Variants in PTPRN2 observed in about 807,000 individuals in gnomAD.
PTPRN2 encodes the protein receptor-type tyrosine-protein phosphatase N2.
A neutral mutation model predicts 118.8 loss-of-function variants in PTPRN2; 74 were observed. The ratio of observed to expected loss-of-function variants is 0.62; its 90% CI spans 0.52 to 0.76. The LOEUF (loss-of-function observed/expected upper bound fraction) is 0.76. Ranked by LOEUF, PTPRN2 falls within the 30% of genes least tolerant of loss-of-function variation. The probability of loss-of-function intolerance (pLI) is 0.00; values close to 1 mark genes in which losing one functional copy is unlikely to be tolerated. For missense variants in PTPRN2, 1,481 were observed against 1,394.4 expected, an observed-to-expected ratio of 1.06 and a Z score of -0.99; for synonymous variants, 641 against 608.0, an observed-to-expected ratio of 1.05 and a Z score of -0.80.
intron 6 of PTPRN2, among the ~76,000 whole-genome samples, chr7:158,145,629 T>G (rs1198999100): frequency 6.6e-6 from 1 of 152,226 alleles, no homozygotes; most frequent in Non-Finnish European, 1.5e-5. Context: ...AGGCTTGGCG[T>G]GGAGCTGCCA....
At position 157,627,170 on chromosome 7, in the gene PTPRN2, C is replaced by T. The variant is rs755464574; in HGVS notation, c.2197-5661G>A. 4.1e-4 allele frequency among the ~76,000 whole-genome samples: 62 copies of T among 152,252 alleles called. No individual in the cohort carries two copies. The highest frequency in any genetic ancestry group is 1.3e-3 in the African/African-American group (54 of 41,490). On this transcript the variant is annotated intron_variant, in intron 14 of 22. Coordinates refer to ENST00000389418, the MANE Select transcript of PTPRN2 (RefSeq NM_002847.5). The surrounding 1 kb of genome is among the most constrained non-coding windows in gnomAD (Gnocchi z 4.2). Reference sequence around the variant, plus strand: ...GTGGCCTCCAGGCACCAGTGTGCACCGCACCTGCAGCTGGGTCTCCTCCGG... The same window carrying T: ...GTGGCCTCCAGGCACCAGTGTGCACTGCACCTGCAGCTGGGTCTCCTCCGG...
chr7:158,086,252 C>A (rs1349719545), intron 10 of PTPRN2, among the ~76,000 whole-genome samples: 7 of 152,076 alleles, frequency 4.6e-5, no homozygotes, highest in Non-Finnish European at 7.3e-5. Flanking sequence ...GCCCACCGCT[C>A]CCAGGCTGAA....
rs73744868 is a variant in PTPRN2 at position 157,752,951 on chromosome 7, A to T, written c.1789-70014T>A. 8.9e-3 allele frequency among the ~76,000 whole-genome samples: 1,355 copies of T among 152,324 alleles called. 23 individuals are homozygous for T. Among genetic ancestry groups the T allele is most frequent in the African/African-American group, 0.031 (1,282 of 41,578 alleles). On this transcript the variant is annotated intron_variant, in intron 12 of 22. Transcript: ENST00000389418. ...GCACCCACTCCTGCTGGAAGCCCAG[A>T]CAGTCAGTGACCAGATGGTTTTGCC...
intron 11 of PTPRN2, among the ~76,000 whole-genome samples, chr7:158,052,180 T>C (rs1809375085): frequency 6.6e-6 from 1 of 152,236 alleles, no homozygotes; most frequent in African/African-American, 2.4e-5. Flanking sequence ...AATATGGCAA[T>C]GACTTCTACG....
intron 11 of PTPRN2, among the ~76,000 whole-genome samples, chr7:157,951,976 C>A (rs928025003): frequency 6.6e-6 from 1 of 152,200 alleles, no homozygotes; most frequent in African/African-American, 2.4e-5. Context: ...TGCTCTGATG[C>A]CCCCTCACGT....
chr7:158,051,384 T>G (rs114950899), intron 11 of PTPRN2, among the ~76,000 whole-genome samples: 2,242 of 152,220 alleles, frequency 0.015, 67 homozygotes, highest in African/African-American at 0.051. Context: ...CATCAGAACT[T>G]CCCAAGACTC....
In PTPRN2 at chr7:158,278,110, G is replaced by A. The variant is rs548739531; in HGVS notation, c.277+38709C>T. On this transcript the variant is annotated intron_variant, in intron 3 of 22. Coordinates refer to ENST00000389418, the MANE Select transcript of PTPRN2 (RefSeq NM_002847.5). Reference sequence around the variant, plus strand: ...CCTATGAGAAAACAGGCGTCTGCAGGAGGCCTGAGCCTGCCCCACCAGCCT... The same window carrying A: ...CCTATGAGAAAACAGGCGTCTGCAGAAGGCCTGAGCCTGCCCCACCAGCCT... 2.3e-3 allele frequency among the ~76,000 whole-genome samples: 356 copies of A among 152,310 alleles called. 3 individuals are homozygous for A. The highest frequency in any genetic ancestry group is 8.1e-3 in the African/African-American group (335 of 41,572).
At chr7:158,090,212 C>T (rs559227592) in intron 10 of PTPRN2, among the ~76,000 whole-genome samples, 1 of 152,246 alleles carries the variant, frequency 6.6e-6, no homozygotes, top group African/African-American at 2.4e-5. Context: ...GGAGTCTTCA[C>T]ACACACCTGC....
chr7:158,289,174 G>A (rs181271764), intron 3 of PTPRN2, among the ~76,000 whole-genome samples: 74 of 152,038 alleles, frequency 4.9e-4, no homozygotes, highest in Middle Eastern at 6.8e-3. Context: ...CAATCTAATC[G>A]GAGACTTTTG....
intron 12 of PTPRN2, among the ~76,000 whole-genome samples, chr7:157,855,156 G>A (rs1809608297): frequency 3.5e-5 from 5 of 144,800 alleles, no homozygotes; most frequent in Non-Finnish European, 6.2e-5. Flanking sequence ...GTGCGGGGCC[G>A]GATCGGGGAG....
chr7:158,363,903 A>C (rs1361901338), intron 2 of PTPRN2, among the ~76,000 whole-genome samples: 1 of 152,142 alleles, frequency 6.6e-6, no homozygotes, highest in Non-Finnish European at 1.5e-5. Context: ...ATGACAGAAA[A>C]GGGGACTTCA....
In PTPRN2 at chr7:158,018,718, T is replaced by C. The variant is rs367983392; in HGVS notation, c.1723+62580A>G. Among the ~76,000 whole-genome samples the C allele has an allele frequency of 1.1e-4, 17 of 152,188 alleles. No homozygotes were observed. The South Asian group carries it at 3.5e-3, about 32-fold the overall frequency. On this transcript the variant is annotated intron_variant, in intron 11 of 22. Coordinates refer to ENST00000389418, the MANE Select transcript of PTPRN2 (RefSeq NM_002847.5). The stretch of plus-strand genomic sequence containing the variant: ...GCTCACTCCTGTAATCCCAGCACTT[T>C]GGGAGGCTGAGGCGGGAGGATCACC...
intron 11 of PTPRN2, among the ~76,000 whole-genome samples, chr7:158,045,518 G>C (rs946256440): frequency 7.2e-5 from 11 of 152,194 alleles, no homozygotes; most frequent in Admixed American, 7.2e-4. Flanking sequence ...AGAAGAATCA[G>C]AGAGGTGTGC....
rs796513364 is a variant in PTPRN2 at position 157,583,126 on chromosome 7, ATAT to A, written c.2497-4989_2497-4987del. Among the ~76,000 whole-genome samples the A allele has an allele frequency of 3.3e-4, 51 of 152,302 alleles. No individual in the cohort carries two copies. Among genetic ancestry groups the A allele is most frequent in the African/African-American group, 1.2e-3 (50 of 41,578 alleles). On this transcript the variant is annotated intron_variant, in intron 17 of 22. Transcript: ENST00000389418. The surrounding 1 kb of genome is among the most constrained non-coding windows in gnomAD (Gnocchi z 5.5). ...GAAAATGTGGTATATACACAATGAAATATTATTCAGCCTTAAGAAAGAATGAAC... is the reference window on the plus strand; with the variant it reads ...GAAAATGTGGTATATACACAATGAAATATTCAGCCTTAAGAAAGAATGAAC...
chr7:158,252,823 C>G (rs761121169), intron 3 of PTPRN2, among the ~76,000 whole-genome samples: 4 of 152,186 alleles, frequency 2.6e-5, no homozygotes, highest in Non-Finnish European at 4.4e-5. Flanking sequence ...CAATCCTCCC[C>G]AACATGAGCC....
chr7:157,880,631 C>G (rs116140671), intron 12 of PTPRN2, among the ~76,000 whole-genome samples: 1 of 152,160 alleles, frequency 6.6e-6, no homozygotes, highest in Non-Finnish European at 1.5e-5. Context: ...GCATCGTTGA[C>G]GGTGACACAT....
intron 11 of PTPRN2, among the ~76,000 whole-genome samples, chr7:158,045,068 G>A (rs980331994): frequency 6.6e-6 from 1 of 152,130 alleles, no homozygotes; most frequent in Non-Finnish European, 1.5e-5. Context: ...ACCCTACTGG[G>A]CTGAACTTAC....
chr7:158,447,816 G>A (rs1817831562), intron 2 of PTPRN2, among the ~76,000 whole-genome samples: 1 of 152,248 alleles, frequency 6.6e-6, no homozygotes, highest in African/African-American at 2.4e-5. Context: ...AGAGCCGAGA[G>A]CGGGGGCAGT....
chr7:158,316,960 A>G, intron 2 of PTPRN2, 28 bp from the exon 3 acceptor site: 1 of 1,536,258 alleles, frequency 6.5e-7, no homozygotes, highest in Non-Finnish European at 8.9e-7. Flanking sequence ...GATAAGACAG[A>G]ACGAGACGTT....
Sources: gnomAD v4.1 joint callset for allele counts (sites outside exome capture counted in the v4.1 genomes callset) on GRCh38, gnomAD v4.1.1 for gene constraint, Gnocchi (gnomAD v3.1) non-coding constraint, MANE v1.5 for transcripts, NCBI Gene and HGNC (gene_info 2026-07-23, HGNC 2026-07-21) for gene names.